TRNAU1AP: variants seen among roughly 807,000 people sequenced by gnomAD.
The protein encoded by TRNAU1AP is tRNA selenocysteine 1 associated protein 1.
A neutral mutation model predicts 43.3 loss-of-function variants in TRNAU1AP; 33 were observed. The ratio of observed to expected loss-of-function variants is 0.76; its 90% CI spans 0.58 to 1.02. The LOEUF (loss-of-function observed/expected upper bound fraction) is 1.02. Ranked by LOEUF, TRNAU1AP falls within the 50% of genes least tolerant of loss-of-function variation. The pLI, the probability that TRNAU1AP is intolerant of heterozygous loss-of-function variation, is 0.00. For missense variants in TRNAU1AP, 290 were observed against 362.7 expected, an observed-to-expected ratio of 0.80 and a Z score of 1.63; for synonymous variants, 143 against 129.1, an observed-to-expected ratio of 1.11 and a Z score of -0.73.
Position 28,577,502 on chromosome 1 carries a change from CCCATG to C in TRNAU1AP, c.734_738del (p.Met245ThrfsTer6), listed in dbSNP as rs1665819731. 3.1e-6 allele frequency: 5 copies of C among 1,613,640 alleles called. No homozygotes were observed. Among genetic ancestry groups the C allele is most frequent in the Non-Finnish European group, 4.2e-6 (5 of 1,179,874 alleles). ...CCCCATCCTTGCTTGCTTTCCAGAC[CCCATG>C]CCACAGCTGGATGTGACTGAGGCCA... On this transcript the variant is annotated frameshift_variant, in exon 9 of 9. Coordinates refer to ENST00000373830, the MANE Select transcript of TRNAU1AP (RefSeq NM_017846.5). LOFTEE classifies it high-confidence loss of function.
intron 2 of TRNAU1AP, among the ~76,000 whole-genome samples, chr1:28,557,478 T>TC (rs968299965): frequency 2.0e-5 from 3 of 151,236 alleles, no homozygotes; most frequent in African/African-American, 7.2e-5. Context: ...TCTTTTTTTT[T>TC]TTTTTTTTTT....
Position 28,560,699 on chromosome 1 carries a change from A to G in TRNAU1AP, c.192A>G (p.Lys64=). The G allele has an allele frequency of 6.2e-7, 1 of 1,614,156 alleles. No individual in the cohort carries two copies. Among genetic ancestry groups the G allele is most frequent in the Non-Finnish European group, 8.5e-7 (1 of 1,180,018 alleles). Residue 64 remains lysine (K), a synonymous_variant, in exon 3 of 9, where the codon AAA becomes AAG. Transcript: ENST00000373830. The stretch of plus-strand genomic sequence containing the variant: ...CCACAGCTGAGAAGTGTTTGCATAA[A>G]ATTAATGGGAAACCCCTTCCAGGAG... ...DLATAEKCLH[K]INGKPLPGAT...
intron 5 of TRNAU1AP, among the ~76,000 whole-genome samples, chr1:28,566,335 GA>G (rs1665538199): frequency 6.9e-6 from 1 of 144,084 alleles, no homozygotes; most frequent in Non-Finnish European, 1.5e-5. Context: ...AAAAAAAGAA[GA>G]GCCGGGCGTG....
At position 28,577,531 on chromosome 1, in the gene TRNAU1AP, C is replaced by A. The variant is rs1443403854; in HGVS notation, c.759C>A (p.Ala253=). Reference sequence around the variant, plus strand: ...TGCCACAGCTGGATGTGACTGAGGCCAACAAGGAGTTCATGGAACAGAGTG... The same window carrying A: ...TGCCACAGCTGGATGTGACTGAGGCAAACAAGGAGTTCATGGAACAGAGTG... ...DPMPQLDVTE[A]NKEFMEQSEE... The change falls in exon 9 of 9, where the codon GCC becomes GCA. Residue 253 remains alanine, a synonymous_variant. Transcript: ENST00000373830. The A allele has an allele frequency of 2.5e-6, 4 of 1,613,888 alleles. No individual in the cohort carries two copies. Among genetic ancestry groups the A allele is most frequent in the African/African-American group, 1.3e-5 (1 of 74,858 alleles).
At chr1:28,569,833 A>C (rs1665624082) in intron 6 of TRNAU1AP, among the ~76,000 whole-genome samples, 2 of 65,500 alleles carry the variant, frequency 3.1e-5, no homozygotes, top group South Asian at 7.0e-4. Flanking sequence ...AAAAATACCA[A>C]AAAAAAAAAA....
chr1:28,561,457 A>C, intron 4 of TRNAU1AP, 59 bp downstream of exon 4: 1 of 1,596,698 alleles, frequency 6.3e-7, no homozygotes, highest in African/African-American at 1.4e-5. Context: ...TGTCACTGCC[A>C]TATAGGAGGA....
intron 5 of TRNAU1AP, 168 bp downstream of exon 5, chr1:28,565,002 G>T (rs1413578278): frequency 1.3e-6 from 1 of 757,274 alleles, no homozygotes; most frequent in Non-Finnish European, 2.2e-6. Context: ...GAGAATGCCA[G>T]TATTGTAGAA....
intron 8 of TRNAU1AP, among the ~76,000 whole-genome samples, chr1:28,575,884 A>T (rs1365591392): frequency 1.4e-5 from 1 of 73,776 alleles, no homozygotes; most frequent in African/African-American, 6.1e-5. Context: ...TTTTTGAGAT[A>T]GAGTCTTTGC....
At chr1:28,560,279 CTT>C (rs61583725) in intron 2 of TRNAU1AP, among the ~76,000 whole-genome samples, 21 of 137,694 alleles carry the variant, frequency 1.5e-4, no homozygotes, top group Non-Finnish European at 2.0e-4. Context: ...CATCTTGAGC[CTT>C]TTTTTTTTTT....
chr1:28,573,281 C>CA (rs1553123168), intron 8 of TRNAU1AP, among the ~76,000 whole-genome samples: 27 of 149,064 alleles, frequency 1.8e-4, no homozygotes, highest in African/African-American at 4.6e-4. Flanking sequence ...CCGCCTGCCT[C>CA]GCCTCCCAAA....
intron 8 of TRNAU1AP, among the ~76,000 whole-genome samples, chr1:28,573,023 A>AT (rs1422868880): frequency 3.4e-5 from 5 of 148,536 alleles, no homozygotes; most frequent in African/African-American, 1.2e-4. Context: ...GCCATTATTA[A>AT]TTTTTTCTTT....
intron 6 of TRNAU1AP, among the ~76,000 whole-genome samples, chr1:28,567,969 G>A (rs963347665): frequency 6.6e-6 from 1 of 152,064 alleles, no homozygotes; most frequent in African/African-American, 2.4e-5. Context: ...TTCGAGACCA[G>A]CCTGGCCAAC....
At chr1:28,575,077 C>CT (rs1665744151) in intron 8 of TRNAU1AP, among the ~76,000 whole-genome samples, 1 of 152,188 alleles carries the variant, frequency 6.6e-6, no homozygotes, top group Admixed American at 6.6e-5. Flanking sequence ...CCCTGGGAGA[C>CT]ATTGCCTTCT....
chr1:28,574,521 G>A (rs1352337281), intron 8 of TRNAU1AP: 1 of 152,156 alleles, frequency 6.6e-6, no homozygotes, highest in African/African-American at 2.4e-5. Flanking sequence ...AGGAGGTTGA[G>A]GCTTCAGTGA....
intron 2 of TRNAU1AP, 42 bp downstream of exon 2, chr1:28,553,779 G>T: frequency 6.5e-7 from 1 of 1,545,150 alleles, no homozygotes; most frequent in Non-Finnish European, 8.9e-7. Flanking sequence ...TCTCGTTGCA[G>T]CTGTCATGTA....
intron 2 of TRNAU1AP, among the ~76,000 whole-genome samples, chr1:28,558,163 T>C (rs1382594966): frequency 2.0e-5 from 3 of 149,324 alleles, no homozygotes; most frequent in Non-Finnish European, 3.0e-5. Flanking sequence ...TCCCAACGTG[T>C]TGGAATTACA....
At position 28,553,278 on chromosome 1, in the gene TRNAU1AP, C is replaced by T. The variant is rs1018765585; in HGVS notation, c.27+141C>T. On this transcript the variant is annotated intron_variant, in intron 1 of 8. Coordinates refer to ENST00000373830, the MANE Select transcript of TRNAU1AP (RefSeq NM_017846.5). ...GGGGTTCTTTTTGGTGACACAGAAG[C>T]GGGTTCCAGCATCTAAGTGAAGAGG... is the stretch of plus-strand genomic sequence containing the variant. 78 of 1,032,626 alleles carry T rather than the reference C, an allele frequency of 7.6e-5. No homozygotes were observed. In the Middle Eastern group the frequency reaches 2.6e-3, roughly 34 times the overall value. 64.0% of individuals were successfully genotyped at this position (1,032,626 alleles called of 1,614,324 possible).
chr1:28,566,096 C>T (rs1452162266), intron 5 of TRNAU1AP, among the ~76,000 whole-genome samples: 6 of 151,914 alleles, frequency 3.9e-5, no homozygotes, highest in Non-Finnish European at 4.4e-5. Context: ...GGGTGGATCA[C>T]CTGAGGTCAG....
chr1:28,553,701 TA>T lies in TRNAU1AP; in HGVS notation c.91del (p.Met31Ter). 1 of 1,614,186 alleles carries T rather than the reference TA, an allele frequency of 6.2e-7. No individual in the cohort carries two copies. The highest frequency in any genetic ancestry group is 8.5e-7 in the Non-Finnish European group (1 of 1,180,026). The part of the protein sequence containing the change: ...SRAFATMGET[V>X]MSVKIIRNRL... ...GCCTTTGCCACCATGGGGGAGACCG[TA>T]ATGAGCGTCAAAATTATCCGAAACC... On this transcript the variant is annotated frameshift_variant, in exon 2 of 9. Coordinates refer to ENST00000373830, the MANE Select transcript of TRNAU1AP (RefSeq NM_017846.5). LOFTEE classifies it high-confidence loss of function.
Sources: allele counts gnomAD v4.1 joint callset (sites outside exome capture counted in the v4.1 genomes callset), GRCh38; gene constraint gnomAD v4.1.1; transcripts MANE v1.5; gene names NCBI Gene and HGNC (gene_info 2026-07-23, HGNC 2026-07-21).